The following GALNTL6 variants were observed in gnomAD, a reference collection of about 807,000 sequenced individuals.
GALNTL6 encodes polypeptide N-acetylgalactosaminyltransferase like 6.
GALNTL6 carries 46 observed loss-of-function variants against 73.7 expected under a neutral mutation model. The ratio of observed to expected loss-of-function variants is 0.62; its 90% CI spans 0.49 to 0.80. GALNTL6 has a LOEUF of 0.80. Ranked by LOEUF, GALNTL6 falls within the 30% of genes least tolerant of loss-of-function variation. The pLI, the probability that GALNTL6 is intolerant of heterozygous loss-of-function variation, is 0.00. For synonymous variants in GALNTL6, 259 were observed against 263.7 expected, an observed-to-expected ratio of 0.98 and a Z score of 0.17; for missense variants, 604 against 755.0, an observed-to-expected ratio of 0.80 and a Z score of 2.34.
At chr4:172,109,013 CAAAAAAAA>C (rs202017302) in intron 2 of GALNTL6, among the ~76,000 whole-genome samples, 8,866 of 106,994 alleles carry the variant, frequency 0.083, 311 homozygotes, top group Admixed American at 0.17. Context: ...ACTCCATCTC[CAAAAAAAA>C]AAAAAAAAAA....
intron 12 of GALNTL6, among the ~76,000 whole-genome samples, chr4:173,024,803 T>G (rs140670077): frequency 1.3e-5 from 2 of 152,294 alleles, no homozygotes; most frequent in African/African-American, 4.8e-5. Flanking sequence ...GGTCTCGAAC[T>G]CCTGACCTCA....
chr4:172,261,469 C>T (rs1199058010), intron 3 of GALNTL6, among the ~76,000 whole-genome samples: 1 of 151,208 alleles, frequency 6.6e-6, no homozygotes, highest in Non-Finnish European at 1.5e-5. Flanking sequence ...TTTTGTTTCT[C>T]ATTGAGACTA....
intron 4 of GALNTL6, among the ~76,000 whole-genome samples, chr4:172,344,036 CCA>C (rs1741658541): frequency 6.6e-6 from 1 of 152,010 alleles, no homozygotes. Context: ...GTAATTACAC[CCA>C]TATTCCTAGA....
In GALNTL6 at chr4:172,508,867, ATG is replaced by A. The variant is rs3083417; in HGVS notation, c.553+160188_553+160189del. On this transcript the variant is annotated intron_variant, in intron 5 of 12. Coordinates refer to ENST00000506823, the MANE Select transcript of GALNTL6 (RefSeq NM_001034845.3). ...AATTGTGAATTGTGCTGCTATAAAC[ATG>A]TGTGTGTGTCTTTTTTGTATAATGA... 3.5e-4 allele frequency among the ~76,000 whole-genome samples: 14 copies of A among 40,412 alleles called. 7 individuals are homozygous for A. In the East Asian group the frequency reaches 0.22, roughly 631 times the overall value. 26.5% of individuals were successfully genotyped at this position (40,412 alleles called of 152,430 possible). A position where few individuals can be genotyped will look rare whatever the true frequency, so the allele number is the denominator to read the frequency against.
intron 5 of GALNTL6, among the ~76,000 whole-genome samples, chr4:172,687,543 G>T (rs887933041): frequency 6.7e-6 from 1 of 149,914 alleles, no homozygotes; most frequent in Admixed American, 6.7e-5. Flanking sequence ...AAGGAGAATC[G>T]CTTGAACCCG....
At chr4:172,041,931 A>G (rs1462890328) in intron 2 of GALNTL6, among the ~76,000 whole-genome samples, 1 of 152,126 alleles carries the variant, frequency 6.6e-6, no homozygotes, top group Non-Finnish European at 1.5e-5. Flanking sequence ...GGCAGTTGAC[A>G]GATTCTTTCT....
At chr4:172,419,374 A>C (rs184467801) in intron 5 of GALNTL6, among the ~76,000 whole-genome samples, 92 of 152,294 alleles carry the variant, frequency 6.0e-4, no homozygotes, top group African/African-American at 2.0e-3. Context: ...CAAAGAGCAG[A>C]GTGCCTGGGG....
intron 2 of GALNTL6, among the ~76,000 whole-genome samples, chr4:172,174,205 G>A (rs985216903): frequency 2.6e-5 from 4 of 152,034 alleles, no homozygotes; most frequent in East Asian, 1.9e-4. Context: ...AAAAGTGGAC[G>A]GATCAGAGAC....
intron 2 of GALNTL6, among the ~76,000 whole-genome samples, chr4:172,057,721 AAAAAAAATATATATATATAT>A (rs1280888495): frequency 1.7e-5 from 1 of 58,644 alleles, no homozygotes; most frequent in African/African-American, 5.9e-5. Flanking sequence ...AAAAAAAAAA[AAAAAAAATATATATATATAT>A]ATATATATAT....
chr4:171,961,518 A>G (rs747113339), intron 2 of GALNTL6, among the ~76,000 whole-genome samples: 8 of 152,196 alleles, frequency 5.3e-5, no homozygotes, highest in Non-Finnish European at 1.2e-4. Context: ...GTAGCAAATA[A>G]TTATTCTTGC....
chr4:172,286,374 T>A (rs1013703034), intron 3 of GALNTL6, among the ~76,000 whole-genome samples: 3 of 152,126 alleles, frequency 2.0e-5, no homozygotes, highest in African/African-American at 7.2e-5. Flanking sequence ...AAGAAAATAA[T>A]CTAAACTGAG....
chr4:172,454,044 T>C (rs957885890), intron 5 of GALNTL6, among the ~76,000 whole-genome samples: 1 of 152,148 alleles, frequency 6.6e-6, no homozygotes, highest in Non-Finnish European at 1.5e-5. Context: ...CCTCCACAAA[T>C]TCCAGAGCCT....
intron 5 of GALNTL6, among the ~76,000 whole-genome samples, chr4:172,621,157 T>C (rs933296330): frequency 6.6e-6 from 1 of 152,192 alleles, no homozygotes; most frequent in Non-Finnish European, 1.5e-5. Flanking sequence ...TTTTGGTTTA[T>C]TTCTGAAAAA....
intron 7 of GALNTL6, among the ~76,000 whole-genome samples, chr4:172,861,089 G>A (rs1353706945): frequency 6.6e-6 from 1 of 152,088 alleles, no homozygotes; most frequent in African/African-American, 2.4e-5. Flanking sequence ...CTTTTGTCTT[G>A]TAAAAATGAA....
intron 11 of GALNTL6, among the ~76,000 whole-genome samples, chr4:173,019,266 T>G (rs1356229414): frequency 1.3e-5 from 2 of 152,194 alleles, no homozygotes; most frequent in Admixed American, 1.3e-4. Context: ...CCATGGGACA[T>G]GCAGCTGGGA....
chr4:172,931,607 G>A (rs1186232816), intron 9 of GALNTL6, among the ~76,000 whole-genome samples: 1 of 152,154 alleles, frequency 6.6e-6, no homozygotes, highest in Non-Finnish European at 1.5e-5. Flanking sequence ...TAGGTCCGCG[G>A]ACCTGGGGCA....
At chr4:172,096,245 C>G (rs541581740) in intron 2 of GALNTL6, among the ~76,000 whole-genome samples, 7 of 151,966 alleles carry the variant, frequency 4.6e-5, no homozygotes, top group Admixed American at 1.3e-4. Context: ...CTAGGACTAC[C>G]GGTGCATGCC....
At chr4:171,925,738 AT>A (rs565034229) in intron 2 of GALNTL6, among the ~76,000 whole-genome samples, 24 of 152,184 alleles carry the variant, frequency 1.6e-4, no homozygotes, top group Non-Finnish European at 2.6e-4. Context: ...TATTTAAAAA[AT>A]TAATGTGAAA....
At chr4:172,144,573 T>C (rs1226909599) in intron 2 of GALNTL6, among the ~76,000 whole-genome samples, 1 of 152,198 alleles carries the variant, frequency 6.6e-6, no homozygotes, top group Non-Finnish European at 1.5e-5. Flanking sequence ...TATGATAGTC[T>C]TTCATTTACT....
Sources: gnomAD v4.1 joint callset for allele counts (sites outside exome capture counted in the v4.1 genomes callset) on GRCh38, gnomAD v4.1.1 for gene constraint, MANE v1.5 for transcripts, NCBI Gene and HGNC (gene_info 2026-07-23, HGNC 2026-07-21) for gene names.